LARGE1: variants seen among roughly 807,000 people sequenced by gnomAD.
The protein encoded by LARGE1 is xylosyl- and glucuronyltransferase LARGE1.
Under a neutral mutation model 87.6 loss-of-function variants are expected in LARGE1, and 43 were observed. That is an observed-to-expected ratio of 0.49 (90% CI 0.38 to 0.63). The LOEUF is 0.63. Among genes scored for constraint, LARGE1 ranks in the 30% least tolerant of loss-of-function variants. LARGE1 has a pLI of 0.00. For synonymous variants in LARGE1, 434 were observed against 394.6 expected, an observed-to-expected ratio of 1.10 and a Z score of -1.18; for missense variants, 802 against 1,000.2, an observed-to-expected ratio of 0.80 and a Z score of 2.67.
downstream of LARGE1, among the ~76,000 whole-genome samples, chr22:33,267,562 C>T (rs776329525): frequency 1.3e-5 from 2 of 151,542 alleles, no homozygotes; most frequent in Non-Finnish European, 2.9e-5. Context: ...GCATCACTTA[C>T]GTAGGTTTTC....
intron 5 of LARGE1, among the ~76,000 whole-genome samples, chr22:33,571,039 G>A (rs965719039): frequency 1.3e-5 from 2 of 152,112 alleles, no homozygotes; most frequent in East Asian, 1.9e-4. Flanking sequence ...CAAAGGGTTC[G>A]TGTAATTAAA....
intron 6 of LARGE1, among the ~76,000 whole-genome samples, chr22:33,560,034 C>T (rs899588601): frequency 2.6e-5 from 4 of 152,152 alleles, no homozygotes; most frequent in Non-Finnish European, 4.4e-5. Context: ...ATTTCTCTTA[C>T]TCCTCTTCAA....
chr22:33,407,892 A>T (rs556481349), intron 7 of LARGE1, among the ~76,000 whole-genome samples: 1 of 152,346 alleles, frequency 6.6e-6, no homozygotes, highest in Admixed American at 6.5e-5. Flanking sequence ...TGTAAAAGAA[A>T]ATACGTTTAT....
intron 6 of LARGE1, among the ~76,000 whole-genome samples, chr22:33,451,336 G>C (rs2067910734): frequency 6.7e-6 from 1 of 149,002 alleles, no homozygotes; most frequent in South Asian, 2.2e-4. Flanking sequence ...AGAACGCTCA[G>C]CTGCCAAAAA....
chr22:33,562,169 C>CT (rs2148766988), intron 6 of LARGE1, among the ~76,000 whole-genome samples: 1 of 152,288 alleles, frequency 6.6e-6, no homozygotes, highest in Admixed American at 6.5e-5. Flanking sequence ...GACCTGGCTT[C>CT]TAATAGTTTG....
At chr22:33,763,503 G>A (rs576662587) in intron 1 of LARGE1, among the ~76,000 whole-genome samples, 3 of 152,026 alleles carry the variant, frequency 2.0e-5, no homozygotes, top group Admixed American at 6.6e-5. Flanking sequence ...CAAACCCTAC[G>A]TACACATTCC....
chr22:33,428,952 A>G (rs2066984090), intron 7 of LARGE1, among the ~76,000 whole-genome samples: 4 of 124,204 alleles, frequency 3.2e-5, no homozygotes, highest in Non-Finnish European at 7.3e-5. Flanking sequence ...ACAAAAAAAA[A>G]AAAAAAAAAG....
chr22:33,146,554 A>T, the LARGE1 span, among the ~76,000 whole-genome samples: 1 of 151,972 alleles, frequency 6.6e-6, no homozygotes, highest in African/African-American at 2.4e-5. Context: ...TACTCTCTCC[A>T]TTTCTTCCTT....
rs545682164 is a variant in LARGE1, at chr22:33,180,765, A to G, written c.1731-13933T>C. Among the ~76,000 whole-genome samples the G allele has an allele frequency of 3.3e-5, 5 of 152,234 alleles. No homozygotes were observed. In the South Asian group the frequency reaches 1.0e-3, roughly 32 times the overall value. Reference sequence around the variant, plus strand: ...ATTAAAAGGAATGTAGTATGAATACATGCTGCAACCTGGATAACTCTTGAA... The same window carrying G: ...ATTAAAAGGAATGTAGTATGAATACGTGCTGCAACCTGGATAACTCTTGAA... On this transcript the variant is annotated intron_variant, in intron 11 of 11. Coordinates refer to the LARGE1 transcript ENST00000608642.
Position 33,679,468 on chromosome 22 carries a change from G to GCACA in LARGE1, c.107-28804_107-28801dup, listed in dbSNP as rs113355241. On this transcript the variant is annotated intron_variant, in intron 2 of 14. Transcript: ENST00000397394. ...GAAATTTGGGGACAGACACACACAC[G>GCACA]CACACACACACACACACACACACGA... Among the ~76,000 whole-genome samples, 563 of 147,584 alleles carry GCACA rather than the reference G, an allele frequency of 3.8e-3. 3 individuals carry two copies. The highest frequency in any genetic ancestry group is 0.01 in the African/African-American group (414 of 40,408).
At chr22:33,673,625 T>C (rs1249617824) in intron 2 of LARGE1, among the ~76,000 whole-genome samples, 3 of 152,220 alleles carry the variant, frequency 2.0e-5, no homozygotes, top group Non-Finnish European at 2.9e-5. Context: ...CCATCATCAC[T>C]ATCCATCTCC....
At chr22:33,481,288 T>G (rs995160287) in intron 6 of LARGE1, among the ~76,000 whole-genome samples, 2 of 151,632 alleles carry the variant, frequency 1.3e-5, no homozygotes, top group African/African-American at 4.9e-5. Flanking sequence ...CAGTGTTTAA[T>G]TACTGCTTTG....
At chr22:33,856,233 G>A (rs1326172965) in intron 1 of LARGE1, among the ~76,000 whole-genome samples, 5 of 152,188 alleles carry the variant, frequency 3.3e-5, no homozygotes, top group Non-Finnish European at 5.9e-5. Context: ...CCAGTTCTCA[G>A]GGGGCCATGC....
At chr22:33,091,534 T>A in the LARGE1 span, among the ~76,000 whole-genome samples, 1 of 150,434 alleles carries the variant, frequency 6.6e-6, no homozygotes, top group Non-Finnish European at 1.5e-5. Flanking sequence ...CTCTCCAGCC[T>A]GGGTGACAAA....
chr22:33,754,226 T>C (rs1601531785), intron 2 of LARGE1, among the ~76,000 whole-genome samples: 1 of 152,336 alleles, frequency 6.6e-6, no homozygotes, highest in East Asian at 1.9e-4. Context: ...TTGGGATGCA[T>C]GTGTCACCTG....
chr22:33,120,354 TTCTTTTTC>T, the LARGE1 span, among the ~76,000 whole-genome samples: 2 of 115,820 alleles, frequency 1.7e-5, no homozygotes, highest in Non-Finnish European at 1.7e-5. Flanking sequence ...TTTCTTTTCT[TTCTTTTTC>T]TTTCTTTCTT....
At chr22:33,435,220 T>C (rs1432350994) in intron 6 of LARGE1, among the ~76,000 whole-genome samples, 1 of 152,160 alleles carries the variant, frequency 6.6e-6, no homozygotes, top group African/African-American at 2.4e-5. Flanking sequence ...CAGGCTGATC[T>C]CGAACTCCTA....
At chr22:33,875,822 C>G (rs1362095043) in intron 1 of LARGE1, among the ~76,000 whole-genome samples, 1 of 152,158 alleles carries the variant, frequency 6.6e-6, no homozygotes, top group Non-Finnish European at 1.5e-5. Flanking sequence ...TCTGACACCT[C>G]CGGCAGCCCC....
chr22:33,382,767 T>C (rs963132516), intron 8 of LARGE1, among the ~76,000 whole-genome samples: 2 of 152,152 alleles, frequency 1.3e-5, no homozygotes, highest in Admixed American at 6.5e-5. Context: ...GGGCATACAA[T>C]TGCTAGCTTT....
Sources: gnomAD v4.1 joint callset for allele counts (sites outside exome capture counted in the v4.1 genomes callset) on GRCh38, gnomAD v4.1.1 for gene constraint, MANE v1.5 for transcripts, NCBI Gene and HGNC (gene_info 2026-07-23, HGNC 2026-07-21) for gene names.